The following COL4A1 variants were observed in gnomAD, a reference collection of about 807,000 sequenced individuals.
The protein encoded by COL4A1 is collagen type IV alpha 1 chain.
COL4A1 carries 40 observed loss-of-function variants against 216.6 expected under a neutral mutation model. That is an observed-to-expected ratio of 0.18 (90% CI 0.14 to 0.24). COL4A1 has a LOEUF of 0.24. Among genes scored for constraint, COL4A1 ranks in the 10% least tolerant of loss-of-function variants. The probability of loss-of-function intolerance (pLI) is 1.00; values close to 1 mark genes in which losing one functional copy is unlikely to be tolerated. For synonymous variants in COL4A1, 839 were observed against 810.7 expected, an observed-to-expected ratio of 1.03 and a Z score of -0.59; for missense variants, 1,628 against 2,196.8, an observed-to-expected ratio of 0.74 and a Z score of 5.18.
At chr13:110,273,405 G>A (rs1303110800) in intron 1 of COL4A1, among the ~76,000 whole-genome samples, 4 of 152,180 alleles carry the variant, frequency 2.6e-5, no homozygotes, top group Non-Finnish European at 4.4e-5. Flanking sequence ...GCATTTTGCA[G>A]AAGCTTTTTT....
chr13:110,283,717 G>A (rs1055910376), intron 1 of COL4A1, among the ~76,000 whole-genome samples: 9 of 152,158 alleles, frequency 5.9e-5, no homozygotes, highest in African/African-American at 2.2e-4. Flanking sequence ...AAGACTGCCT[G>A]CCATCTGTGA....
chr13:110,217,190 C>T (rs1880129457), intron 2 of COL4A1, among the ~76,000 whole-genome samples: 1 of 152,208 alleles, frequency 6.6e-6, no homozygotes, highest in Non-Finnish European at 1.5e-5. Flanking sequence ...AGCACTTAAA[C>T]AGCTATACAG....
rs1390876763 is a variant in COL4A1 at position 110,219,596 on chromosome 13, G to T, written c.145-5581C>A. On this transcript the variant is annotated intron_variant, in intron 2 of 51. Coordinates refer to ENST00000375820, the MANE Select transcript of COL4A1 (RefSeq NM_001845.6). ...AAGAGCTTGAGCAGCACATACAGAC[G>T]CACCTCAGCTTATGATGGGGTATGT... Among the ~76,000 whole-genome samples, 3 of 149,704 alleles carry T rather than the reference G, an allele frequency of 2.0e-5. No individual in the cohort carries two copies. The East Asian group carries it at 5.9e-4, about 29-fold the overall frequency.
intron 28 of COL4A1, among the ~76,000 whole-genome samples, chr13:110,182,098 G>A (rs751124431): frequency 3.3e-5 from 5 of 152,190 alleles, no homozygotes; most frequent in Non-Finnish European, 7.3e-5. Flanking sequence ...GGCACTGTGT[G>A]AGGCAATGGT....
intron 18 of COL4A1, among the ~76,000 whole-genome samples, chr13:110,202,640 T>C (rs1301184205): frequency 1.3e-5 from 2 of 152,086 alleles, no homozygotes; most frequent in Non-Finnish European, 2.9e-5. Flanking sequence ...ACGGTAACAT[T>C]TTCATTATTT....
chr13:110,295,258 CTTTT>C (rs67516756), intron 1 of COL4A1, among the ~76,000 whole-genome samples: 3 of 135,638 alleles, frequency 2.2e-5, no homozygotes, highest in Non-Finnish European at 3.2e-5. Flanking sequence ...TTCTTTCTTT[CTTTT>C]TTTTTTTTTT....
chr13:110,229,637 A>G (rs1171954925), intron 2 of COL4A1, among the ~76,000 whole-genome samples: 1 of 152,144 alleles, frequency 6.6e-6, no homozygotes, highest in Non-Finnish European at 1.5e-5. Context: ...TCATGAACAG[A>G]ATTAGTGTTC....
intron 26 of COL4A1, among the ~76,000 whole-genome samples, chr13:110,185,110 T>C (rs1878341984): frequency 6.6e-6 from 1 of 152,212 alleles, no homozygotes. Flanking sequence ...GTGGTTATTG[T>C]TGGGTATTTC....
At chr13:110,266,359 G>A (rs1883033743) in intron 1 of COL4A1, among the ~76,000 whole-genome samples, 1 of 152,204 alleles carries the variant, frequency 6.6e-6, no homozygotes, top group Non-Finnish European at 1.5e-5. Flanking sequence ...GCCTGGAGTA[G>A]TTCCAACTCT....
intron 1 of COL4A1, among the ~76,000 whole-genome samples, chr13:110,271,481 G>A (rs779074240): frequency 1.3e-5 from 2 of 152,192 alleles, no homozygotes; most frequent in Non-Finnish European, 2.9e-5. Context: ...CGTCAGTTCT[G>A]TGCTATTTCT....
At chr13:110,262,193 TG>T (rs943011883) in intron 1 of COL4A1, among the ~76,000 whole-genome samples, 38 of 151,520 alleles carry the variant, frequency 2.5e-4, no homozygotes, top group African/African-American at 8.7e-4. Flanking sequence ...CCCCGAGAGG[TG>T]GGGGTCACTG....
chr13:110,164,622 A>G (rs1877247149), intron 46 of COL4A1, among the ~76,000 whole-genome samples: 1 of 152,166 alleles, frequency 6.6e-6, no homozygotes, highest in South Asian at 2.1e-4. Context: ...CTAACTGAAC[A>G]CAGATGTGTT....
chr13:110,164,114 G>A lies in COL4A1; in HGVS notation c.4151-553C>T, dbSNP rs534003475. 4.7e-5 allele frequency among the ~76,000 whole-genome samples: 7 copies of A among 149,652 alleles called. 1 individual carries two copies. The highest frequency in any genetic ancestry group is 2.1e-4 in the South Asian group (1 of 4,714). On this transcript the variant is annotated intron_variant, in intron 46 of 51. Coordinates refer to ENST00000375820, the MANE Select transcript of COL4A1 (RefSeq NM_001845.6). Reference sequence around the variant, plus strand: ...AGCGATTCTCCTACCTCAGCCTCTCGAGTAGCTGGGACTACAGGTATGCAC... The same window carrying A: ...AGCGATTCTCCTACCTCAGCCTCTCAAGTAGCTGGGACTACAGGTATGCAC...
At chr13:110,162,465 G>A in intron 47 of COL4A1, 23 bp from the exon 48 acceptor site, 1 of 1,563,708 alleles carries the variant, frequency 6.4e-7, no homozygotes, top group Non-Finnish European at 8.8e-7. Flanking sequence ...AGACAAATTA[G>A]TTTCCCTAAT....
At chr13:110,285,140 C>G (rs1883787608) in intron 1 of COL4A1, among the ~76,000 whole-genome samples, 4 of 152,236 alleles carry the variant, frequency 2.6e-5, no homozygotes, top group Admixed American at 2.6e-4. Context: ...AATTTTCTAA[C>G]ATGAGTTATT....
chr13:110,160,919 G>C (rs1387508529), intron 49 of COL4A1: 1 of 458,214 alleles, frequency 2.2e-6, no homozygotes, highest in East Asian at 4.4e-5. Flanking sequence ...ATCTTGCCCA[G>C]GCTGGTCTTG....
chr13:110,275,546 G>A (rs556276568), intron 1 of COL4A1, among the ~76,000 whole-genome samples: 2 of 152,280 alleles, frequency 1.3e-5, no homozygotes, highest in Admixed American at 1.3e-4. Context: ...CATGCTCCTT[G>A]CTATTTACCC....
At chr13:110,172,865 C>T (rs1353373252) in intron 40 of COL4A1, 95 bp from the exon 41 acceptor site, 7 of 987,014 alleles carry the variant, frequency 7.1e-6, no homozygotes, top group Middle Eastern at 2.1e-4. Flanking sequence ...AATAATACTA[C>T]GTATATTGTG....
At chr13:110,245,763 C>T (rs1881775963) in intron 1 of COL4A1, among the ~76,000 whole-genome samples, 1 of 152,126 alleles carries the variant, frequency 6.6e-6, no homozygotes. Flanking sequence ...TGTGGACCCT[C>T]GGGTCAAGAC....
Sources: allele counts gnomAD v4.1 joint callset (sites outside exome capture counted in the v4.1 genomes callset), GRCh38; gene constraint gnomAD v4.1.1; transcripts MANE v1.5; gene names NCBI Gene and HGNC (gene_info 2026-07-23, HGNC 2026-07-21).